ZNF484: variants seen among roughly 807,000 people sequenced by gnomAD.
ZNF484 encodes KRAB box containing C2H2 type zinc finger bA526D8.4.
In ZNF484, 11 loss-of-function variants were observed where a neutral mutation model predicts 12.9. The ratio of observed to expected loss-of-function variants is 0.85; its 90% confidence interval spans 0.54 to 1.41. The LOEUF (loss-of-function observed/expected upper bound fraction) is 1.41, where lower values mean the gene tolerates loss of function less well. ZNF484 is among the 40% of genes most tolerant of loss of function. ZNF484 has a pLI of 0.00. For missense variants in ZNF484, 807 were observed against 1,007.7 expected, an observed-to-expected ratio of 0.80 and a Z score of 2.70; for synonymous variants, 289 against 334.1, an observed-to-expected ratio of 0.86 and a Z score of 1.47.
At chr9:92,861,837 C>A (rs758437042) in intron 2 of ZNF484, among the ~76,000 whole-genome samples, 30 of 152,178 alleles carry the variant, frequency 2.0e-4, no homozygotes, top group Non-Finnish European at 1.2e-4. Context: ...ATTCAAGTCG[C>A]TGACCAAATC....
intron 2 of ZNF484, among the ~76,000 whole-genome samples, chr9:92,866,435 A>C (rs1857076523): frequency 6.6e-6 from 1 of 152,126 alleles, no homozygotes; most frequent in Non-Finnish European, 1.5e-5. Context: ...TCAAAACCAC[A>C]ATGAGATACC....
intron 1 of ZNF484, among the ~76,000 whole-genome samples, chr9:92,876,985 A>C (rs1857855220): frequency 6.6e-6 from 1 of 152,188 alleles, no homozygotes; most frequent in South Asian, 2.1e-4. Flanking sequence ...AATCTTGATA[A>C]ATTGTTAAAA....
rs1247047127 is a variant in ZNF484 at position 92,844,707 on chromosome 9, C to A, written c.*1521G>T. Among the ~76,000 whole-genome samples, 2 of 152,034 alleles carry A rather than the reference C, an allele frequency of 1.3e-5. No homozygotes were observed. The highest frequency in any genetic ancestry group is 2.4e-5 in the African/African-American group (1 of 41,392). ...GAATTCTATATTCAGTAAAAGTATC[C>A]TTCAAAAATGAAGGCAAAATAAAAC... On this transcript the variant is annotated 3_prime_UTR_variant, in exon 5 of 5. Transcript: ENST00000375495.
At chr9:92,865,749 GA>G (rs893001377) in intron 2 of ZNF484, among the ~76,000 whole-genome samples, 17 of 149,308 alleles carry the variant, frequency 1.1e-4, no homozygotes, top group South Asian at 2.1e-4. Flanking sequence ...TCTACAAAAA[GA>G]AAAAAAAAAT....
rs1220660082 is a variant in ZNF484, at chr9:92,846,971, T to C, written c.1816A>G (p.Lys606Glu). The change falls in exon 5 of 5, where the codon AAA becomes GAA. Residue 606 changes from lysine (K) to glutamate (E), a missense_variant. Lys to Glu is a moderately conservative substitution (Grantham distance 56, BLOSUM62 1). Coordinates refer to ENST00000375495, the MANE Select transcript of ZNF484 (RefSeq NM_031486.4). Reference protein sequence around the residue: ...ITHERIHTGEKPYECSICGKS... With the variant: ...ITHERIHTGEEPYECSICGKS... The stretch of plus-strand genomic sequence containing the variant: ...CCACAAATACTGCATTCATAGGGTT[T>C]CTCTCCAGTATGAATTCTCTCATGT... 6.2e-7 allele frequency: 1 copy of C among 1,614,162 alleles called. No individual in the cohort carries two copies. Among genetic ancestry groups the C allele is most frequent in the African/African-American group, 1.3e-5 (1 of 75,056 alleles).
At chr9:92,869,209 G>A (rs975781782) in intron 2 of ZNF484, among the ~76,000 whole-genome samples, 1 of 151,740 alleles carries the variant, frequency 6.6e-6, no homozygotes, top group African/African-American at 2.4e-5. Flanking sequence ...ATATTGAGAA[G>A]GTATTTATAT....
chr9:92,859,388 T>TA (rs909899000), intron 2 of ZNF484, among the ~76,000 whole-genome samples: 1 of 151,974 alleles, frequency 6.6e-6, no homozygotes, highest in Non-Finnish European at 1.5e-5. Context: ...CCTAAGGACT[T>TA]AAAAAACAAC....
chr9:92,851,577 G>A (rs909164439), intron 4 of ZNF484, among the ~76,000 whole-genome samples: 1 of 152,180 alleles, frequency 6.6e-6, no homozygotes, highest in Non-Finnish European at 1.5e-5. Context: ...CCTAGGGGAT[G>A]GTGGTACAAT....
intron 2 of ZNF484, among the ~76,000 whole-genome samples, chr9:92,864,985 A>G (rs1203498054): frequency 6.6e-6 from 1 of 152,206 alleles, no homozygotes; most frequent in Admixed American, 6.5e-5. Flanking sequence ...GAACAACACA[A>G]ATAAGCTGTT....
chr9:92,860,595 C>T (rs544725073), intron 2 of ZNF484, among the ~76,000 whole-genome samples: 151 of 131,284 alleles, frequency 1.2e-3, no homozygotes, highest in African/African-American at 4.3e-3. Flanking sequence ...CAGAGCGAGA[C>T]TCCATCTCAA....
chr9:92,859,717 A>G (rs1341550224), intron 2 of ZNF484, among the ~76,000 whole-genome samples: 1 of 152,192 alleles, frequency 6.6e-6, no homozygotes, highest in African/African-American at 2.4e-5. Context: ...GGTCCCCAGG[A>G]CCACCCTCAG....
intron 2 of ZNF484, among the ~76,000 whole-genome samples, chr9:92,871,015 G>A (rs1857398091): frequency 6.6e-6 from 1 of 152,126 alleles, no homozygotes; most frequent in South Asian, 2.1e-4. Context: ...GTCTCATAAT[G>A]CCCAAGGTTT....
chr9:92,872,231 C>CAAAA lies in ZNF484; in HGVS notation c.15+2780_15+2783dup, dbSNP rs59372760. On this transcript the variant is annotated intron_variant, in intron 2 of 4. Coordinates refer to ENST00000375495, the MANE Select transcript of ZNF484 (RefSeq NM_031486.4). Reference sequence around the variant, plus strand: ...GGGCAACAAGAGCAAATCTCTGCCTCAAAAAAAAAAAAAAAAAAAAAAAAA... The same window carrying CAAAA: ...GGGCAACAAGAGCAAATCTCTGCCTCAAAAAAAAAAAAAAAAAAAAAAAAAAAAA... 1.6e-3 allele frequency among the ~76,000 whole-genome samples: 72 copies of CAAAA among 45,600 alleles called. 3 individuals are homozygous for CAAAA. The highest frequency in any genetic ancestry group is 5.9e-3 in the African/African-American group (54 of 9,182). The allele number at this position is 45,600 out of a possible 152,430, so 29.9% of individuals were successfully genotyped here.
At chr9:92,855,324 C>G (rs1489539559) in intron 4 of ZNF484, among the ~76,000 whole-genome samples, 1 of 151,956 alleles carries the variant, frequency 6.6e-6, no homozygotes. Flanking sequence ...TCAGACAAGC[C>G]CATCTCTAGA....
chr9:92,854,911 A>T (rs1270774581), intron 4 of ZNF484, among the ~76,000 whole-genome samples: 1 of 152,176 alleles, frequency 6.6e-6, no homozygotes, highest in Non-Finnish European at 1.5e-5. Context: ...CTTGAGTAGG[A>T]TATATAATAC....
In ZNF484 at chr9:92,844,924, T is replaced by G. The variant is rs1268799733; in HGVS notation, c.*1304A>C. ...TATTGACTCAAATAATGATTGGCTA[T>G]GTTCACCATGTACAGAATCCAAATA... On this transcript the variant is annotated 3_prime_UTR_variant, in exon 5 of 5. Transcript: ENST00000375495. 1 of 152,200 alleles carries G rather than the reference T, an allele frequency of 6.6e-6. No homozygotes were observed. Among genetic ancestry groups the G allele is most frequent in the African/African-American group, 2.4e-5 (1 of 41,462 alleles). The allele number at this position is 152,200 out of a possible 1,614,324, so 9.4% of individuals were successfully genotyped here.
chr9:92,859,694 A>T (rs1315461642), intron 2 of ZNF484, among the ~76,000 whole-genome samples: 1 of 152,216 alleles, frequency 6.6e-6, no homozygotes, highest in Non-Finnish European at 1.5e-5. Flanking sequence ...TCTGACACCA[A>T]TTCCAAGTCA....
intron 2 of ZNF484, among the ~76,000 whole-genome samples, chr9:92,870,213 C>T (rs190432983): frequency 3.3e-5 from 5 of 152,264 alleles, no homozygotes; most frequent in Admixed American, 1.3e-4. Flanking sequence ...CTGTGTCTTT[C>T]GGCCTCATAT....
Position 92,844,204 on chromosome 9 carries a change from T to A in ZNF484, c.*2024A>T, listed in dbSNP as rs1366714937. On this transcript the variant is annotated 3_prime_UTR_variant, in exon 5 of 5. Transcript: ENST00000375495. ...TTATTACCTCTAAAATTTTAATATA[T>A]ATTGTCTGGCAAGTGATATAAAAAT... is the stretch of plus-strand genomic sequence containing the variant. Among the ~76,000 whole-genome samples the A allele has an allele frequency of 6.6e-6, 1 of 152,148 alleles. No homozygotes were observed. Among genetic ancestry groups the A allele is most frequent in the African/African-American group, 2.4e-5 (1 of 41,436 alleles).
Sources: allele counts gnomAD v4.1 joint callset (sites outside exome capture counted in the v4.1 genomes callset), GRCh38; gene constraint gnomAD v4.1.1; transcripts MANE v1.5; gene names NCBI Gene and HGNC (gene_info 2026-07-23, HGNC 2026-07-21).